PTPN18: variants seen among roughly 807,000 people sequenced by gnomAD.
PTPN18 encodes the protein tyrosine-protein phosphatase non-receptor type 18.
In PTPN18, 65 loss-of-function variants were observed where a neutral mutation model predicts 65.4. The ratio of observed to expected loss-of-function variants is 0.99; its 90% CI spans 0.81 to 1.22. The LOEUF is 1.22. Ranked by LOEUF, PTPN18 falls within the 50% of genes most tolerant of loss-of-function variation. PTPN18 has a pLI of 0.00. For missense variants in PTPN18, 616 were observed against 646.5 expected, an observed-to-expected ratio of 0.95 and a Z score of 0.51; for synonymous variants, 255 against 267.8, an observed-to-expected ratio of 0.95 and a Z score of 0.47.
rs1680628486 is a variant in PTPN18, at chr2:130,372,929, G to A, written c.1297G>A (p.Ala433Thr). The A allele has an allele frequency of 1.2e-6, 2 of 1,614,164 alleles. No homozygotes were observed. The highest frequency in any genetic ancestry group is 1.7e-6 in the Non-Finnish European group (2 of 1,180,030). The change falls in exon 14 of 15, where the codon GCT becomes ACT. Residue 433 changes from alanine (A) to threonine (T), a missense_variant. By Grantham distance (58) the Ala-to-Thr change is moderately conservative. Coordinates refer to ENST00000175756, the MANE Select transcript of PTPN18 (RefSeq NM_014369.4). ...SGAYEDVAGG[A>T]QTGGLGFNLR... ...CGCCTACGAGGACGTGGCGGGTGGA[G>A]CTCAGACCGGTGGGCTAGGTAAGTC...
chr2:130,358,553 C>G (rs887436541), intron 1 of PTPN18, among the ~76,000 whole-genome samples: 2 of 152,104 alleles, frequency 1.3e-5, no homozygotes, highest in Non-Finnish European at 2.9e-5. Context: ...TGGTTGGGAC[C>G]TTCCACAAGT....
intron 5 of PTPN18, among the ~76,000 whole-genome samples, chr2:130,365,024 ATTG>A (rs1210015600): frequency 6.6e-6 from 1 of 152,222 alleles, no homozygotes; most frequent in East Asian, 1.9e-4. Flanking sequence ...TATGGTCTGC[ATTG>A]TTAAGACTAT....
intron 5 of PTPN18, among the ~76,000 whole-genome samples, chr2:130,368,190 G>C (rs913156383): frequency 1.3e-5 from 2 of 151,982 alleles, no homozygotes; most frequent in Non-Finnish European, 2.9e-5. Flanking sequence ...TTCCTGAACT[G>C]TTATTTCTGG....
Position 130,373,209 on chromosome 2 carries a change from G to A in PTPN18, c.1368G>A (p.Glu456=), listed in dbSNP as rs771147391. 6.2e-7 allele frequency: 1 copy of A among 1,600,730 alleles called. No homozygotes were observed. Among genetic ancestry groups the A allele is most frequent in the Non-Finnish European group, 8.5e-7 (1 of 1,174,296 alleles). ...RPKGPRDPPA[E]WTRV ...AGGGTCCCCGGGACCCGCCTGCTGA[G>A]TGGACCCGGGTGTAAGTCTAACGCC... is the stretch of plus-strand genomic sequence containing the variant. The change falls in exon 15 of 15, where the codon GAG becomes GAA. Residue 456 remains glutamate, a synonymous_variant. Coordinates refer to ENST00000175756, the MANE Select transcript of PTPN18 (RefSeq NM_014369.4). This position sits in a 1 kb window ranked among gnomAD's most constrained non-coding sequence, Gnocchi z 4.1.
At chr2:130,369,698 A>G (rs1375701165) in intron 6 of PTPN18, 67 bp from the exon 7 acceptor site, 2 of 1,449,148 alleles carry the variant, frequency 1.4e-6, no homozygotes, top group Admixed American at 3.9e-5. Flanking sequence ...CTTTCTATAA[A>G]TGTCTTCTGG....
At chr2:130,372,531 G>T (rs957032672) in intron 13 of PTPN18, 48 bp downstream of exon 13, 55 of 1,399,142 alleles carry the variant, frequency 3.9e-5, no homozygotes, top group Non-Finnish European at 4.9e-5. Context: ...GCTGTGATCC[G>T]CAGGGCGGAA....
chr2:130,359,112 G>A, intron 2 of PTPN18, 121 bp from the exon 3 acceptor site: 2 of 1,474,832 alleles, frequency 1.4e-6, no homozygotes, highest in Non-Finnish European at 1.9e-6. Flanking sequence ...GCCCACAAGG[G>A]CACCTTGGTG....
In PTPN18 at chr2:130,370,895, C is replaced by G. The variant is rs779255741; in HGVS notation, c.855C>G (p.Tyr285Ter). ...VQTEEQYRFL[Y>*]HTVAQMFCST... is the part of the protein sequence containing the mutation. ...AACAGGAGCAGTACAGGTTCCTGTA[C>G]CACACGGTGGCTCAGATGTTCTGCT... Residue 285 changes from tyrosine to a stop codon, truncating the protein, a stop_gained, in exon 11 of 15, where the codon TAC (tyrosine) becomes TAG (stop). Coordinates refer to ENST00000175756, the MANE Select transcript of PTPN18 (RefSeq NM_014369.4). LOFTEE classifies it high-confidence loss of function. 2.5e-6 allele frequency: 4 copies of G among 1,614,154 alleles called. No homozygotes were observed. The South Asian group carries it at 4.4e-5, about 18-fold the overall frequency.
Position 130,372,934 on chromosome 2 carries a change from G to T in PTPN18, c.1302G>T (p.Gln434His). The change falls in exon 14 of 15, where the codon CAG becomes CAT. Residue 434 changes from glutamine to histidine, a missense_variant. Gln to His is a conservative substitution (Grantham distance 24). This residue lies in a region of PTPN18 where 368 missense variants were observed against 386.7 expected (regional missense o/e 0.95). Transcript: ENST00000175756. ...GAYEDVAGGA[Q>H]TGGLGFNLRI... ...ACGAGGACGTGGCGGGTGGAGCTCA[G>T]ACCGGTGGGCTAGGTAAGTCAGGTA... 6.2e-7 allele frequency: 1 copy of T among 1,614,164 alleles called. No individual in the cohort carries two copies. The highest frequency in any genetic ancestry group is 8.5e-7 in the Non-Finnish European group (1 of 1,180,024).
In PTPN18 at chr2:130,363,364, T is replaced by C. The variant is rs186864897; in HGVS notation, c.414+3718T>C. Among the ~76,000 whole-genome samples the C allele has an allele frequency of 4.4e-3, 664 of 152,076 alleles. 7 individuals carry two copies. Among genetic ancestry groups the C allele is most frequent in the African/African-American group, 0.015 (635 of 41,524 alleles). The stretch of plus-strand genomic sequence containing the variant: ...CGGGAGGCTGAGGCAGAAGAATAGC[T>C]TGAACCAGGGAGTTGGAGGTTGCAG... On this transcript the variant is annotated intron_variant, in intron 5 of 14. Coordinates refer to ENST00000175756, the MANE Select transcript of PTPN18 (RefSeq NM_014369.4).
At chr2:130,371,167 C>T in intron 11 of PTPN18, 32 bp from the exon 12 acceptor site, 1 of 1,543,438 alleles carries the variant, frequency 6.5e-7, no homozygotes. Flanking sequence ...CAGCTTCCTC[C>T]CTCAGGAGCC....
rs1461029757 is a variant in PTPN18 at position 130,369,147 on chromosome 2, G to A, written c.429G>A (p.Arg143=). ...EIENGRKRCE[R]YWAQEQEPLQ... ...ACCTTTTGCAGAAAAGGTGTGAGCG[G>A]TACTGGGCCCAGGAGCAGGAGCCAC... The change falls in exon 6 of 15, where the codon CGG becomes CGA. Residue 143 remains arginine, a synonymous_variant. Transcript: ENST00000175756. The A allele has an allele frequency of 1.9e-6, 3 of 1,613,012 alleles. No individual in the cohort carries two copies. The highest frequency in any genetic ancestry group is 2.5e-6 in the Non-Finnish European group (3 of 1,179,510).
At chr2:130,363,084 G>A (rs1304214704) in intron 5 of PTPN18, among the ~76,000 whole-genome samples, 1 of 151,248 alleles carries the variant, frequency 6.6e-6, no homozygotes, top group African/African-American at 2.4e-5. Flanking sequence ...CTCCCAAAGT[G>A]CTGGGATTAC....
intron 10 of PTPN18, 28 bp downstream of exon 10, chr2:130,370,810 G>C: frequency 6.2e-7 from 1 of 1,612,756 alleles, no homozygotes. Flanking sequence ...TAATCTTCAG[G>C]GACAGTGGCC....
chr2:130,370,390 TG>T, intron 8 of PTPN18, 166 bp from the exon 9 acceptor site: 1 of 1,106,690 alleles, frequency 9.0e-7, no homozygotes, highest in Non-Finnish European at 1.3e-6. Flanking sequence ...CTCAACAAAA[TG>T]TAAGTGATTA....
intron 1 of PTPN18, among the ~76,000 whole-genome samples, chr2:130,358,034 C>T (rs1234764840): frequency 6.6e-6 from 1 of 152,118 alleles, no homozygotes; most frequent in Non-Finnish European, 1.5e-5. Flanking sequence ...TGACATCATG[C>T]GACTGGGTGG....
At chr2:130,357,132 G>A (rs1230033816) in intron 1 of PTPN18, among the ~76,000 whole-genome samples, 2 of 152,196 alleles carry the variant, frequency 1.3e-5, no homozygotes, top group Non-Finnish European at 2.9e-5. Context: ...AGGTTGCAGT[G>A]AGCTGAGATG....
At chr2:130,356,294 C>A in intron 1 of PTPN18, 94 bp downstream of exon 1, 2 of 843,432 alleles carry the variant, frequency 2.4e-6, no homozygotes, top group Non-Finnish European at 3.3e-6. Flanking sequence ...CTTTCTGTCT[C>A]GGTGTCCCCG....
At chr2:130,366,454 C>G (rs1161527522) in intron 5 of PTPN18, among the ~76,000 whole-genome samples, 1 of 152,208 alleles carries the variant, frequency 6.6e-6, no homozygotes, top group Non-Finnish European at 1.5e-5. Flanking sequence ...TTGAACCAAT[C>G]TTGCATTCCT....
Sources: gnomAD v4.1 joint callset for allele counts (sites outside exome capture counted in the v4.1 genomes callset) on GRCh38, gnomAD v4.1.1 for gene constraint, gnomAD v4.1.1 regional missense constraint, Gnocchi (gnomAD v3.1) non-coding constraint, MANE v1.5 for transcripts, NCBI Gene and HGNC (gene_info 2026-07-23, HGNC 2026-07-21) for gene names.